ZC3H12C: variants seen among roughly 807,000 people sequenced by gnomAD.
ZC3H12C encodes the protein zinc finger CCCH-type containing 12C.
A neutral mutation model predicts 76.3 loss-of-function variants in ZC3H12C; 20 were observed. The observed-to-expected ratio is 0.26, with a 90% CI of 0.18 to 0.38. The LOEUF (loss-of-function observed/expected upper bound fraction) is 0.38, where lower values mean the gene tolerates loss of function less well. ZC3H12C is among the 10% of genes least tolerant of loss of function. The pLI is 1.00. For missense variants in ZC3H12C, 874 were observed against 1,086.5 expected (o/e 0.80, Z 2.75); for synonymous variants, 352 against 399.6 (o/e 0.88, Z 1.42).
intron 1 of ZC3H12C, chr11:110,131,007 GTTC>G (rs1861855417): frequency 1.3e-6 from 2 of 1,534,754 alleles, no homozygotes; most frequent in Non-Finnish European, 1.7e-6. Context: ...ACCATTCATT[GTTC>G]TTCTTGCCTG....
chr11:110,115,118 T>A (rs899956551), intron 1 of ZC3H12C, among the ~76,000 whole-genome samples: 6 of 152,060 alleles, frequency 3.9e-5, no homozygotes. Context: ...TATTTATTTA[T>A]TTTTTAGAGA....
intron 3 of ZC3H12C, 59 bp from the exon 4 acceptor site, chr11:110,159,197 T>C: frequency 1.5e-6 from 2 of 1,303,828 alleles, no homozygotes; most frequent in South Asian, 2.6e-5. Flanking sequence ...GTATGAAAGT[T>C]GCCATGTGTG....
In ZC3H12C at chr11:110,171,565, C is replaced by T. The variant is rs923650687; in HGVS notation, c.*5828C>T. On this transcript the variant is annotated 3_prime_UTR_variant, in exon 6 of 6. Coordinates refer to ENST00000278590, the MANE Select transcript of ZC3H12C (RefSeq NM_033390.2). ...TTTTAGACCTACTGGAAATCTGTAT[C>T]GAAACAGCTATGTGATTCTGCCACT... 6.6e-6 allele frequency: 1 copy of T among 152,020 alleles called. No individual in the cohort carries two copies. The highest frequency in any genetic ancestry group is 1.5e-5 in the Non-Finnish European group (1 of 68,010). 9.4% of individuals were successfully genotyped at this position (152,020 alleles called of 1,614,324 possible).
chr11:110,147,109 T>G (rs2134186351), intron 2 of ZC3H12C, among the ~76,000 whole-genome samples: 1 of 152,302 alleles, frequency 6.6e-6, no homozygotes, highest in South Asian at 2.1e-4. Context: ...GGTTATCATT[T>G]GCCTCCACCG....
chr11:110,119,424 A>G (rs779960255), intron 1 of ZC3H12C, among the ~76,000 whole-genome samples: 44 of 152,152 alleles, frequency 2.9e-4, no homozygotes, highest in Non-Finnish European at 4.4e-5. Flanking sequence ...AGACGCTTAT[A>G]TGATTCAAAT....
Position 110,165,089 on chromosome 11 carries a change from C to T in ZC3H12C, c.2004C>T (p.His668=), listed in dbSNP as rs776061874. 6.2e-7 allele frequency: 1 copy of T among 1,613,790 alleles called. No homozygotes were observed. The highest frequency in any genetic ancestry group is 1.1e-5 in the South Asian group (1 of 91,084). ...ENLKCQHMHP[H]SRLNPQPFLQ... is the part of the protein sequence containing the mutation. ...TGAAGTGTCAACACATGCACCCTCA[C>T]AGCCGCCTTAATCCTCAACCGTTCC... The change falls in exon 6 of 6, where the codon CAC becomes CAT. Residue 668 remains histidine, a synonymous_variant. Transcript: ENST00000278590.
In ZC3H12C at chr11:110,164,914, G is replaced by C; in HGVS notation, c.1829G>C (p.Arg610Pro). The change falls in exon 6 of 6, where the codon CGT becomes CCT. Residue 610 changes from arginine to proline, a missense_variant. Arg to Pro is a moderately radical substitution (Grantham distance 103). Transcript: ENST00000278590. The surrounding 1 kb of genome is among the most constrained non-coding windows in gnomAD (Gnocchi z 5.7). The part of the protein sequence containing the change: ...SLSGPRSPER[R>P]FSLDTDYRIS... ...TCAGGCCCACGAAGCCCTGAAAGGCGTTTCTCCTTAGACACAGATTATAGA... is the reference window on the plus strand; with the variant it reads ...TCAGGCCCACGAAGCCCTGAAAGGCCTTTCTCCTTAGACACAGATTATAGA... The C allele has an allele frequency of 6.2e-7, 1 of 1,613,994 alleles. No individual in the cohort carries two copies. Among genetic ancestry groups the C allele is most frequent in the South Asian group, 1.1e-5 (1 of 91,082 alleles).
intron 1 of ZC3H12C, chr11:110,124,107 C>T (rs1292672707): frequency 6.6e-6 from 1 of 152,258 alleles, no homozygotes; most frequent in East Asian, 1.9e-4. Flanking sequence ...AGTGGAACTT[C>T]CGCAGTTGCA....
chr11:110,163,581 A>T (rs1029319841), intron 5 of ZC3H12C, among the ~76,000 whole-genome samples: 6 of 152,248 alleles, frequency 3.9e-5, no homozygotes, highest in African/African-American at 1.4e-4. Flanking sequence ...ATTTCCTTAT[A>T]TTAAAACATG....
In ZC3H12C at chr11:110,113,441, A is replaced by G. The variant is rs115472812; in HGVS notation, c.21+20009A>G. On this transcript the variant is annotated intron_variant, in intron 1 of 5. Transcript: ENST00000278590. Reference sequence around the variant, plus strand: ...TTTGCTGCTACATCTTGTTATTTTAATGTGTTAGTAAAAAGCACATATTTT... The same window carrying G: ...TTTGCTGCTACATCTTGTTATTTTAGTGTGTTAGTAAAAAGCACATATTTT... Among the ~76,000 whole-genome samples, 571 of 151,310 alleles carry G rather than the reference A, an allele frequency of 3.8e-3. 5 individuals are homozygous for G. The highest frequency in any genetic ancestry group is 0.013 in the African/African-American group (533 of 41,224).
intron 1 of ZC3H12C, among the ~76,000 whole-genome samples, chr11:110,117,989 T>TAC (rs377407994): frequency 0.54 from 22,074 of 40,754 alleles, 8,350 homozygotes; most frequent in East Asian, 0.83. Flanking sequence ...ATTATATATA[T>TAC]ACACACATAT....
At chr11:110,134,062 C>T (rs900732979) in intron 1 of ZC3H12C, among the ~76,000 whole-genome samples, 3 of 152,160 alleles carry the variant, frequency 2.0e-5, no homozygotes, top group African/African-American at 7.2e-5. Context: ...TAGGTCAATT[C>T]AGGGATTTGG....
Position 110,132,158 on chromosome 11 carries a change from CAAAT to C in ZC3H12C, c.22-4502_22-4499del, listed in dbSNP as rs1489289274. 3.3e-5 allele frequency among the ~76,000 whole-genome samples: 5 copies of C among 152,098 alleles called. No individual in the cohort carries two copies. In the East Asian group the frequency reaches 7.7e-4, roughly 23 times the overall value. ...TGGCATTGTAACTTTACATTACAAA[CAAAT>C]AAGTCGGCTTAACAAGTTTATGGTC... On this transcript the variant is annotated intron_variant, in intron 1 of 5. Coordinates refer to ENST00000278590, the MANE Select transcript of ZC3H12C (RefSeq NM_033390.2).
chr11:110,103,170 T>C lies in ZC3H12C; in HGVS notation c.21+9738T>C, dbSNP rs548942174. 2.0e-4 allele frequency among the ~76,000 whole-genome samples: 31 copies of C among 152,324 alleles called. No homozygotes were observed. The South Asian group carries it at 3.7e-3, about 18-fold the overall frequency. ...ATACATGCCAAGCAGATAGAATTGATACCCAAACATTTAAAATTTAACTTG... is the reference window on the plus strand; with the variant it reads ...ATACATGCCAAGCAGATAGAATTGACACCCAAACATTTAAAATTTAACTTG... On this transcript the variant is annotated intron_variant, in intron 1 of 5. Coordinates refer to ENST00000278590, the MANE Select transcript of ZC3H12C (RefSeq NM_033390.2).
At chr11:110,125,597 C>A (rs945878898) in intron 1 of ZC3H12C, among the ~76,000 whole-genome samples, 1 of 152,182 alleles carries the variant, frequency 6.6e-6, no homozygotes, top group South Asian at 2.1e-4. Flanking sequence ...GGATTACAGG[C>A]GTGAGCCACC....
chr11:110,150,475 C>A (rs998284763), intron 2 of ZC3H12C, among the ~76,000 whole-genome samples: 1 of 152,002 alleles, frequency 6.6e-6, no homozygotes, highest in Non-Finnish European at 1.5e-5. Flanking sequence ...TATAGCAACA[C>A]TAATTTTTTA....
At chr11:110,156,813 C>G (rs1238222548) in intron 3 of ZC3H12C, among the ~76,000 whole-genome samples, 1 of 152,122 alleles carries the variant, frequency 6.6e-6, no homozygotes, top group Non-Finnish European at 1.5e-5. Context: ...TAATAATACA[C>G]AAAACTATAT....
At chr11:110,142,352 C>T (rs916229585) in intron 2 of ZC3H12C, among the ~76,000 whole-genome samples, 1 of 152,100 alleles carries the variant, frequency 6.6e-6, no homozygotes, top group African/African-American at 2.4e-5. Flanking sequence ...AATCCTATTA[C>T]ATAGAAATAA....
intron 2 of ZC3H12C, among the ~76,000 whole-genome samples, chr11:110,151,847 G>A (rs920033892): frequency 2.0e-5 from 3 of 152,140 alleles, no homozygotes; most frequent in African/African-American, 7.2e-5. Context: ...CATCTACAAA[G>A]CAAGTCAGTC....
Sources: gnomAD v4.1 joint callset for allele counts (sites outside exome capture counted in the v4.1 genomes callset) on GRCh38, gnomAD v4.1.1 for gene constraint, Gnocchi (gnomAD v3.1) non-coding constraint, MANE v1.5 for transcripts, NCBI Gene and HGNC (gene_info 2026-07-23, HGNC 2026-07-21) for gene names.